Variants in CTNND1 observed in about 807,000 individuals in gnomAD.
The protein encoded by CTNND1 is catenin delta-1.
A neutral mutation model predicts 112.1 loss-of-function variants in CTNND1; 16 were observed. The observed-to-expected ratio is 0.14, with a 90% CI of 0.10 to 0.22. The LOEUF (loss-of-function observed/expected upper bound fraction) is 0.22. Ranked by LOEUF, CTNND1 falls within the 10% of genes least tolerant of loss-of-function variation. The probability of loss-of-function intolerance (pLI) is 1.00; values close to 1 mark genes in which losing one functional copy is unlikely to be tolerated. For missense variants in CTNND1, 1,008 were observed against 1,257.0 expected, an observed-to-expected ratio of 0.80 and a Z score of 3.00; for synonymous variants, 420 against 446.5, an observed-to-expected ratio of 0.94 and a Z score of 0.75.
chr11:57,777,032 A>G (rs1954437982), intron 1 of CTNND1, among the ~76,000 whole-genome samples: 1 of 152,212 alleles, frequency 6.6e-6, no homozygotes, highest in Non-Finnish European at 1.5e-5. Flanking sequence ...GAAGAATTGG[A>G]TAAGAATACT....
At chr11:57,782,458 GC>G in intron 1 of CTNND1, among the ~76,000 whole-genome samples, 1 of 152,320 alleles carries the variant, frequency 6.6e-6, no homozygotes, top group South Asian at 2.1e-4. Context: ...GCCACAGTAG[GC>G]TCAGAGACTC....
At chr11:57,802,329 A>G in intron 7 of CTNND1, 133 bp downstream of exon 7, 2 of 781,584 alleles carry the variant, frequency 2.6e-6, no homozygotes, top group South Asian at 3.9e-5. Context: ...AATCCATCTC[A>G]CAGATTTGTT....
intron 6 of CTNND1, among the ~76,000 whole-genome samples, chr11:57,799,264 A>C (rs2137030387): frequency 6.6e-6 from 1 of 152,346 alleles, no homozygotes; most frequent in African/African-American, 2.4e-5. Flanking sequence ...TCATTGAAGC[A>C]GTCTGTCCAG....
chr11:57,780,533 GCCAT>G (rs2059465710), intron 1 of CTNND1, among the ~76,000 whole-genome samples: 2 of 152,134 alleles, frequency 1.3e-5, no homozygotes, highest in South Asian at 4.1e-4. Flanking sequence ...ATAAAAAGAG[GCCAT>G]TACCTCAGCA....
rs187456253 is a variant in CTNND1 at position 57,806,766 on chromosome 11, T to G, written c.1895-149T>G. 2.3e-4 allele frequency: 154 copies of G among 676,776 alleles called. 1 individual carries two copies. In the East Asian group the frequency reaches 3.8e-3, roughly 17 times the overall value. 41.9% of individuals were successfully genotyped at this position (676,776 alleles called of 1,614,324 possible). Reference sequence around the variant, plus strand: ...TCCTTGTTTCTGAATAGTCCCCTGCTGGAACAAGTTGCCCTCACCTGCCCC... The same window carrying G: ...TCCTTGTTTCTGAATAGTCCCCTGCGGGAACAAGTTGCCCTCACCTGCCCC... On this transcript the variant is annotated intron_variant, in intron 11 of 20. Transcript: ENST00000399050.
chr11:57,795,588 C>T lies in CTNND1; in HGVS notation c.279C>T (p.His93=). Residue 93 remains histidine, a synonymous_variant, in exon 5 of 21, where the codon CAC becomes CAT. Transcript: ENST00000399050. ...TCTTTTGCATATAGGATCACAGTCA[C>T]CTTCTATATAGCACCATCCCCAGGA... ...LKLNGPQDHS[H]LLYSTIPRMQ... 6.2e-7 allele frequency: 1 copy of T among 1,610,868 alleles called. No individual in the cohort carries two copies. Among genetic ancestry groups the T allele is most frequent in the Non-Finnish European group, 8.5e-7 (1 of 1,178,840 alleles).
chr11:57,800,092 G>C (rs1471271897), intron 6 of CTNND1, among the ~76,000 whole-genome samples: 1 of 144,980 alleles, frequency 6.9e-6, no homozygotes, highest in Admixed American at 7.3e-5. Flanking sequence ...TCCATGCATG[G>C]TATTTTATAA....
At chr11:57,812,456 G>C (rs1199818904) in intron 17 of CTNND1, among the ~76,000 whole-genome samples, 1 of 152,034 alleles carries the variant, frequency 6.6e-6, no homozygotes, top group African/African-American at 2.4e-5. Context: ...GGAGGCGGAG[G>C]TTGCAGTGAG....
At chr11:57,798,810 G>C (rs2061667885) in intron 6 of CTNND1, among the ~76,000 whole-genome samples, 1 of 152,204 alleles carries the variant, frequency 6.6e-6, no homozygotes, top group Non-Finnish European at 1.5e-5. Flanking sequence ...TTTGTCGTAT[G>C]TTGTTCTTTT....
intron 1 of CTNND1, chr11:57,781,483 G>C (rs1446896289): frequency 6.6e-6 from 1 of 152,132 alleles, no homozygotes; most frequent in Non-Finnish European, 1.5e-5. Flanking sequence ...CTTGTAGGAA[G>C]GAGAAAGGCA....
At chr11:57,768,578 A>T (rs1406227634) in intron 1 of CTNND1, among the ~76,000 whole-genome samples, 1 of 151,652 alleles carries the variant, frequency 6.6e-6, no homozygotes, top group Non-Finnish European at 1.5e-5. Flanking sequence ...TATTTTTAGT[A>T]GAGACGGGGT....
chr11:57,775,442 A>G (rs1282824579), intron 1 of CTNND1, among the ~76,000 whole-genome samples: 1 of 152,016 alleles, frequency 6.6e-6, no homozygotes, highest in Non-Finnish European at 1.5e-5. Context: ...AAGTGAAGTG[A>G]TTTACCTCTG....
chr11:57,783,746 G>T (rs1003613112), intron 1 of CTNND1, among the ~76,000 whole-genome samples: 1 of 152,048 alleles, frequency 6.6e-6, no homozygotes, highest in African/African-American at 2.4e-5. Context: ...TGGTTGAACC[G>T]GAATATTTCT....
intron 1 of CTNND1, among the ~76,000 whole-genome samples, chr11:57,776,367 A>G (rs1182207950): frequency 1.3e-5 from 2 of 152,172 alleles, no homozygotes; most frequent in African/African-American, 2.4e-5. Context: ...GCAGAGTCTC[A>G]GCAACTCTTA....
chr11:57,810,254 C>CT (rs772313488), intron 16 of CTNND1, 31 bp downstream of exon 16: 1,147 of 1,461,514 alleles, frequency 7.8e-4, no homozygotes, highest in East Asian at 9.4e-4. Flanking sequence ...AAGACTTTTA[C>CT]TTTTTTTTTC....
chr11:57,810,965 A>G (rs2063280348), intron 16 of CTNND1, among the ~76,000 whole-genome samples: 2 of 151,924 alleles, frequency 1.3e-5, no homozygotes, highest in Non-Finnish European at 2.9e-5. Context: ...TCAAAAAAAA[A>G]AGAAAAAAAA....
rs1300059680 is a variant in CTNND1, at chr11:57,816,988, C to T, written c.*680C>T. The T allele has an allele frequency of 6.5e-6, 1 of 153,958 alleles. No homozygotes were observed. Among genetic ancestry groups the T allele is most frequent in the Non-Finnish European group, 1.4e-5 (1 of 69,140 alleles). 9.5% of individuals were successfully genotyped at this position (153,958 alleles called of 1,614,324 possible). A position where few individuals can be genotyped will look rare whatever the true frequency, so the allele number is the denominator to read the frequency against. ...CAGACTCCATCTCTTCTGCAAGCCT[C>T]ATGCCAACCCTGGGCTATTGCTGCT... is the stretch of plus-strand genomic sequence containing the variant. On this transcript the variant is annotated 3_prime_UTR_variant, in exon 21 of 21. Transcript: ENST00000399050.
intron 12 of CTNND1, 115 bp from the exon 13 acceptor site, chr11:57,808,050 T>C (rs2062924946): frequency 1.8e-6 from 2 of 1,120,610 alleles, no homozygotes; most frequent in South Asian, 4.0e-5. Context: ...GGGAACCTGA[T>C]GGTATAGAAG....
chr11:57,810,821 GTGT>G (rs1241985313), intron 16 of CTNND1, among the ~76,000 whole-genome samples: 1 of 151,952 alleles, frequency 6.6e-6, no homozygotes, highest in Non-Finnish European at 1.5e-5. Flanking sequence ...GCCAGGCGTG[GTGT>G]TGTTTGCCAG....
Sources: gnomAD v4.1 joint callset for allele counts (sites outside exome capture counted in the v4.1 genomes callset) on GRCh38, gnomAD v4.1.1 for gene constraint, MANE v1.5 for transcripts, NCBI Gene and HGNC (gene_info 2026-07-23, HGNC 2026-07-21) for gene names.